The following AGAP1 variants were observed in gnomAD, a reference collection of about 807,000 sequenced individuals.
The protein encoded by AGAP1 is arf-GAP with GTPase, ANK repeat and PH domain-containing protein 1.
A neutral mutation model predicts 105.3 loss-of-function variants in AGAP1; 29 were observed. That is an observed-to-expected ratio of 0.28 (90% CI 0.21 to 0.38). AGAP1 has a LOEUF of 0.38. Ranked by LOEUF, AGAP1 falls within the 10% of genes least tolerant of loss-of-function variation. The probability of loss-of-function intolerance (pLI) is 1.00; values close to 1 mark genes in which losing one functional copy is unlikely to be tolerated. For missense variants in AGAP1, 998 were observed against 1,165.1 expected (o/e 0.86, Z 2.09); for synonymous variants, 509 against 485.9 (o/e 1.05, Z -0.63).
At chr2:235,560,450 A>T (rs1430589648) in intron 1 of AGAP1, among the ~76,000 whole-genome samples, 1 of 152,038 alleles carries the variant, frequency 6.6e-6, no homozygotes, top group Non-Finnish European at 1.5e-5. Context: ...AGAACTTGCG[A>T]TGATGTTACC....
rs188061030 is a variant in AGAP1 at position 236,090,315 on chromosome 2, A to G, written c.2115-29877A>G. On this transcript the variant is annotated intron_variant, in intron 16 of 17. Transcript: ENST00000304032. The surrounding 1 kb of genome is among the most constrained non-coding windows in gnomAD (Gnocchi z 4.3). Reference sequence around the variant, plus strand: ...ATAGCCACCCTCTTATTTCAAGAGCATGATAGAAATATTCAGAAGCAGACA... The same window carrying G: ...ATAGCCACCCTCTTATTTCAAGAGCGTGATAGAAATATTCAGAAGCAGACA... Among the ~76,000 whole-genome samples the G allele has an allele frequency of 1.6e-3, 238 of 152,374 alleles. No homozygotes were observed. Among genetic ancestry groups the G allele is most frequent in the African/African-American group, 5.5e-3 (227 of 41,592 alleles).
chr2:235,651,272 G>A (rs1235584567), intron 1 of AGAP1, among the ~76,000 whole-genome samples: 10 of 150,120 alleles, frequency 6.7e-5, no homozygotes, highest in African/African-American at 1.5e-4. Flanking sequence ...GACAAGGTGG[G>A]GAACGACTCA....
chr2:236,118,227 T>C (rs2059817219), intron 16 of AGAP1, among the ~76,000 whole-genome samples: 1 of 152,172 alleles, frequency 6.6e-6, no homozygotes, highest in Non-Finnish European at 1.5e-5. Flanking sequence ...GCGGAAGCCC[T>C]GAGTGATTTC....
chr2:235,536,079 C>T lies in AGAP1; in HGVS notation c.163+41230C>T, dbSNP rs952868359. On this transcript the variant is annotated intron_variant, in intron 1 of 17. Transcript: ENST00000304032. The stretch of plus-strand genomic sequence containing the variant: ...GAGATGGAGGGGGCTGCCTTCTTTG[C>T]GGCTTTCTCACGATTTCCTCACAGT... 6.0e-5 allele frequency among the ~76,000 whole-genome samples: 9 copies of T among 149,182 alleles called. No individual in the cohort carries two copies. The South Asian group carries it at 8.6e-4, about 14-fold the overall frequency.
At chr2:235,706,401 G>A (rs1214595371) in intron 1 of AGAP1, among the ~76,000 whole-genome samples, 2 of 150,078 alleles carry the variant, frequency 1.3e-5, no homozygotes, top group African/African-American at 5.0e-5. Flanking sequence ...ATTTTTTTTT[G>A]TATTTTTCAG....
At position 236,009,492 on chromosome 2, in the gene AGAP1, G is replaced by C. The variant is rs1008212056; in HGVS notation, c.1646-27069G>C. Among the ~76,000 whole-genome samples the C allele has an allele frequency of 6.6e-6, 1 of 152,168 alleles. No individual in the cohort carries two copies. The highest frequency in any genetic ancestry group is 1.5e-5 in the Non-Finnish European group (1 of 68,042). ...CAACAGTGACATTTATACTGATGGC[G>C]TCTTTTTAAATAAATTAATACATGT... On this transcript the variant is annotated intron_variant, in intron 13 of 17. Coordinates refer to ENST00000304032, the MANE Select transcript of AGAP1 (RefSeq NM_001037131.3). This position sits in a 1 kb window ranked among gnomAD's most constrained non-coding sequence, Gnocchi z 4.2.
chr2:235,958,508 T>C lies in AGAP1; in HGVS notation c.1484-9954T>C, dbSNP rs2054045909. 6.6e-6 allele frequency among the ~76,000 whole-genome samples: 1 copy of C among 152,014 alleles called. No individual in the cohort carries two copies. Among genetic ancestry groups the C allele is most frequent in the South Asian group, 2.1e-4 (1 of 4,814 alleles). On this transcript the variant is annotated intron_variant, in intron 12 of 17. Coordinates refer to ENST00000304032, the MANE Select transcript of AGAP1 (RefSeq NM_001037131.3). The surrounding 1 kb of genome is among the most constrained non-coding windows in gnomAD (Gnocchi z 4.1). ...CATCTCTTGAATATCACCCGGGATA[T>C]CAAAAACCTATCAGCACACCTGGCG...
At chr2:235,533,102 T>C (rs938458574) in intron 1 of AGAP1, among the ~76,000 whole-genome samples, 2 of 152,196 alleles carry the variant, frequency 1.3e-5, no homozygotes, top group Non-Finnish European at 2.9e-5. Flanking sequence ...GAATCAGTCA[T>C]GACCGCGTTG....
chr2:235,869,420 TAAAAAAAAAAAAAAAA>T lies in AGAP1; in HGVS notation c.1051-13909_1051-13894del, dbSNP rs35813316. On this transcript the variant is annotated intron_variant, in intron 9 of 17. Transcript: ENST00000304032. ...CAACATGGTGAAACTCCATCTCTAC[TAAAAAAAAAAAAAAAA>T]AAAAAAAAAAAAAAATTAGCCGGGC... 9.8e-4 allele frequency among the ~76,000 whole-genome samples: 49 copies of T among 49,964 alleles called. 1 individual carries two copies. The East Asian group carries it at 0.015, about 15-fold the overall frequency. 32.8% of individuals were successfully genotyped at this position (49,964 alleles called of 152,430 possible).
At chr2:235,921,048 G>A (rs1402458386) in intron 11 of AGAP1, among the ~76,000 whole-genome samples, 2 of 152,100 alleles carry the variant, frequency 1.3e-5, no homozygotes, top group Non-Finnish European at 2.9e-5. Flanking sequence ...AAATTAATTA[G>A]CAACATATAT....
chr2:235,512,750 GC>G (rs1478137823), intron 1 of AGAP1, among the ~76,000 whole-genome samples: 1 of 152,330 alleles, frequency 6.6e-6, no homozygotes, highest in African/African-American at 2.4e-5. Context: ...CACCCTGCCT[GC>G]CTCTGCTCAG....
In AGAP1 at chr2:236,096,628, G is replaced by A. The variant is rs1176024649; in HGVS notation, c.2115-23564G>A. Among the ~76,000 whole-genome samples, 2 of 151,674 alleles carry A rather than the reference G, an allele frequency of 1.3e-5. No homozygotes were observed. The highest frequency in any genetic ancestry group is 2.9e-5 in the Non-Finnish European group (2 of 67,928). ...AGTCTCGCTCTTGTCACCCAGGCTG[G>A]AGTGCAGTGGCATGATCTCATCTCA... On this transcript the variant is annotated intron_variant, in intron 16 of 17. Transcript: ENST00000304032. The surrounding 1 kb of genome is among the most constrained non-coding windows in gnomAD (Gnocchi z 4.4).
Position 235,761,318 on chromosome 2 carries a change from G to T in AGAP1, c.673+10830G>T, listed in dbSNP as rs151084923. The stretch of plus-strand genomic sequence containing the variant: ...GTTAAGTGTGCACAGATGCTCATAC[G>T]TGTGCAGAGAAATGCCTGAATTAAC... On this transcript the variant is annotated intron_variant, in intron 6 of 17. Coordinates refer to ENST00000304032, the MANE Select transcript of AGAP1 (RefSeq NM_001037131.3). Among the ~76,000 whole-genome samples the T allele has an allele frequency of 2.4e-4, 36 of 152,204 alleles. 1 individual carries two copies. In the East Asian group the frequency reaches 4.6e-3, roughly 20 times the overall value.
chr2:235,646,501 C>A (rs1023530889), intron 1 of AGAP1, among the ~76,000 whole-genome samples: 1 of 152,212 alleles, frequency 6.6e-6, no homozygotes, highest in Non-Finnish European at 1.5e-5. Flanking sequence ...CGTCAGCTTG[C>A]AGCCTTGTGA....
chr2:235,719,902 C>T lies in AGAP1; in HGVS notation c.310+2258C>T, dbSNP rs76658456. Reference sequence around the variant, plus strand: ...CTGAAAGAATTATGAATACATGGCTCCTTGTGCCTGGAAGCTTCTTAGTCC... The same window carrying T: ...CTGAAAGAATTATGAATACATGGCTTCTTGTGCCTGGAAGCTTCTTAGTCC... On this transcript the variant is annotated intron_variant, in intron 3 of 17. Coordinates refer to ENST00000304032, the MANE Select transcript of AGAP1 (RefSeq NM_001037131.3). This position sits in a 1 kb window ranked among gnomAD's most constrained non-coding sequence, Gnocchi z 4.9. Among the ~76,000 whole-genome samples the T allele has an allele frequency of 5.7e-3, 862 of 152,318 alleles. 7 individuals carry two copies. The highest frequency in any genetic ancestry group is 0.02 in the African/African-American group (830 of 41,566).
chr2:235,808,357 G>T (rs7565206), intron 9 of AGAP1, among the ~76,000 whole-genome samples: 36,223 of 152,138 alleles, frequency 0.24, 4,769 homozygotes, highest in Non-Finnish European at 0.29. Context: ...GGCACTGGCT[G>T]CCCTTAAAAA....
chr2:236,045,341 G>C lies in AGAP1; in HGVS notation c.1892-3718G>C, dbSNP rs1036588244. Among the ~76,000 whole-genome samples the C allele has an allele frequency of 6.6e-6, 1 of 152,176 alleles. No individual in the cohort carries two copies. The highest frequency in any genetic ancestry group is 1.5e-5 in the Non-Finnish European group (1 of 68,038). On this transcript the variant is annotated intron_variant, in intron 15 of 17. Transcript: ENST00000304032. The surrounding 1 kb of genome is among the most constrained non-coding windows in gnomAD (Gnocchi z 6.9). ...CCCAGAAGCCAGTGTGTTAATATTG[G>C]TTGAATACGTGAAGGAACAGATGTA...
chr2:235,720,714 C>T lies in AGAP1; in HGVS notation c.310+3070C>T, dbSNP rs147558248. 7.8e-4 allele frequency: 772 copies of T among 985,048 alleles called. 2 individuals carry two copies. The African/African-American group carries it at 0.01, about 13-fold the overall frequency. 61.0% of individuals were successfully genotyped at this position (985,048 alleles called of 1,614,324 possible). A position where few individuals can be genotyped will look rare whatever the true frequency, so the allele number is the denominator to read the frequency against. ...CCCTGTTCTTCTGATTTAATTAGTG[C>T]GTGAGTATCCTTTATGTCATAATCC... On this transcript the variant is annotated intron_variant, in intron 3 of 17. Coordinates refer to ENST00000304032, the MANE Select transcript of AGAP1 (RefSeq NM_001037131.3). This position sits in a 1 kb window ranked among gnomAD's most constrained non-coding sequence, Gnocchi z 5.0.
At chr2:235,899,106 G>A (rs1298591824) in intron 10 of AGAP1, among the ~76,000 whole-genome samples, 4 of 152,210 alleles carry the variant, frequency 2.6e-5, no homozygotes, top group Non-Finnish European at 4.4e-5. Context: ...TTGTCAAGGG[G>A]AAAAACTGAA....
Sources: allele counts gnomAD v4.1 joint callset (sites outside exome capture counted in the v4.1 genomes callset), GRCh38; gene constraint gnomAD v4.1.1; non-coding constraint Gnocchi (gnomAD v3.1); transcripts MANE v1.5; gene names NCBI Gene and HGNC (gene_info 2026-07-23, HGNC 2026-07-21).